CNMD: variants seen among roughly 807,000 people sequenced by gnomAD.
CNMD encodes the protein leukocyte cell-derived chemotaxin 1.
A neutral mutation model predicts 37.5 loss-of-function variants in CNMD; 30 were observed. The observed-to-expected ratio is 0.80, with a 90% CI of 0.60 to 1.09. CNMD has a LOEUF of 1.09. CNMD is among the 50% of genes least tolerant of loss of function. CNMD has a pLI of 0.00. For missense variants in CNMD, 398 were observed against 423.9 expected, an observed-to-expected ratio of 0.94 and a Z score of 0.54; for synonymous variants, 167 against 148.2, an observed-to-expected ratio of 1.13 and a Z score of -0.92.
intron 6 of CNMD, among the ~76,000 whole-genome samples, chr13:52,706,660 A>G (rs1287838272): frequency 3.3e-5 from 5 of 152,194 alleles, no homozygotes; most frequent in Non-Finnish European, 7.3e-5. Context: ...GGTACTATGT[A>G]GGAAAACAAT....
At chr13:52,728,343 A>T (rs1230374112) in intron 3 of CNMD, among the ~76,000 whole-genome samples, 1 of 150,786 alleles carries the variant, frequency 6.6e-6, no homozygotes, top group Non-Finnish European at 1.5e-5. Context: ...GCACCACTGC[A>T]CTGCAGCCTG....
chr13:52,717,355 C>T (rs1290318243), intron 4 of CNMD, among the ~76,000 whole-genome samples: 1 of 152,154 alleles, frequency 6.6e-6, no homozygotes, highest in Non-Finnish European at 1.5e-5. Context: ...GCCTGATTGC[C>T]CTGGCCAGAA....
At chr13:52,718,424 T>C (rs1005506269) in intron 4 of CNMD, among the ~76,000 whole-genome samples, 3 of 152,194 alleles carry the variant, frequency 2.0e-5, no homozygotes, top group Non-Finnish European at 4.4e-5. Context: ...TTGTTTTAAT[T>C]GTGATGTTAG....
intron 3 of CNMD, among the ~76,000 whole-genome samples, chr13:52,727,203 A>G (rs1241012737): frequency 1.3e-5 from 2 of 152,074 alleles, no homozygotes; most frequent in Non-Finnish European, 2.9e-5. Flanking sequence ...CAGGAGGTGG[A>G]TGTTGCAGTG....
intron 5 of CNMD, among the ~76,000 whole-genome samples, chr13:52,709,531 A>G (rs1005027338): frequency 6.6e-6 from 1 of 152,244 alleles, no homozygotes; most frequent in Non-Finnish European, 1.5e-5. Flanking sequence ...ATGCTTTTAT[A>G]TATGAGGGCA....
At chr13:52,724,182 T>C in intron 3 of CNMD, 72 bp from the exon 4 acceptor site, 1 of 1,130,646 alleles carries the variant, frequency 8.8e-7, no homozygotes, top group Non-Finnish European at 1.3e-6. Flanking sequence ...GTCTACTGTG[T>C]TCCAGATGCT....
intron 6 of CNMD, 60 bp from the exon 7 acceptor site, chr13:52,703,870 T>C: frequency 1.1e-5 from 15 of 1,421,986 alleles, no homozygotes; most frequent in Admixed American, 1.8e-5. Context: ...ATAGCATGCA[T>C]GTTATTTTTA....
chr13:52,730,849 A>G (rs190416720), intron 3 of CNMD, among the ~76,000 whole-genome samples: 3 of 152,142 alleles, frequency 2.0e-5, no homozygotes, highest in South Asian at 2.1e-4. Flanking sequence ...TTTCAGTGCT[A>G]TCCTCCGTCG....
At chr13:52,722,264 T>A (rs900727269) in intron 4 of CNMD, among the ~76,000 whole-genome samples, 1 of 152,170 alleles carries the variant, frequency 6.6e-6, no homozygotes, top group Non-Finnish European at 1.5e-5. Flanking sequence ...CTCACGGGTT[T>A]GTTTTTTAGC....
intron 2 of CNMD, 100 bp downstream of exon 2, chr13:52,738,931 C>CCGCCGGCAGCCGCGCGCCCCT: frequency 9.2e-6 from 11 of 1,190,950 alleles, no homozygotes; most frequent in Non-Finnish European, 1.2e-5. Context: ...CCCGAGGGGC[C>CCGCCGGCAGCCGCGCGCCCCT]CGCCGGCAGC....
intron 6 of CNMD, among the ~76,000 whole-genome samples, chr13:52,707,218 C>T (rs1234582074): frequency 1.3e-5 from 2 of 152,136 alleles, no homozygotes; most frequent in Non-Finnish European, 2.9e-5. Context: ...TAAAAGCTAG[C>T]TACAAATAAA....
At chr13:52,710,057 A>G (rs535859038) in intron 5 of CNMD, among the ~76,000 whole-genome samples, 2 of 152,308 alleles carry the variant, frequency 1.3e-5, no homozygotes, top group East Asian at 3.9e-4. Context: ...GATAATAGTA[A>G]TATCTAATTC....
At chr13:52,722,283 T>C (rs1263630719) in intron 4 of CNMD, among the ~76,000 whole-genome samples, 2 of 152,164 alleles carry the variant, frequency 1.3e-5, no homozygotes, top group African/African-American at 4.8e-5. Context: ...GCTTTTGTGT[T>C]GTTCTGTTTT....
At chr13:52,716,745 C>G (rs1429694409) in intron 4 of CNMD, among the ~76,000 whole-genome samples, 1 of 152,166 alleles carries the variant, frequency 6.6e-6, no homozygotes, top group Non-Finnish European at 1.5e-5. Context: ...GTTTTGGTTA[C>G]TATAGCCTTG....
At chr13:52,713,404 C>A (rs1405285619) in intron 4 of CNMD, among the ~76,000 whole-genome samples, 1 of 152,172 alleles carries the variant, frequency 6.6e-6, no homozygotes, top group Non-Finnish European at 1.5e-5. Context: ...AGATGTTCCT[C>A]ACATCAAGCA....
intron 4 of CNMD, among the ~76,000 whole-genome samples, chr13:52,723,033 G>A (rs1041067356): frequency 1.3e-5 from 2 of 152,180 alleles, no homozygotes; most frequent in Admixed American, 6.5e-5. Flanking sequence ...GCTATTGTGG[G>A]TCCCTTTAAT....
At chr13:52,732,863 A>C (rs1160887157) in intron 3 of CNMD, among the ~76,000 whole-genome samples, 1 of 152,180 alleles carries the variant, frequency 6.6e-6, no homozygotes, top group East Asian at 1.9e-4. Context: ...TTTTTCTTCC[A>C]GTTTTAAAAA....
At position 52,713,976 on chromosome 13, in the gene CNMD, A is replaced by G. The variant is rs186791798; in HGVS notation, c.469-1107T>C. 2.0e-3 allele frequency among the ~76,000 whole-genome samples: 306 copies of G among 152,150 alleles called. 2 individuals are homozygous for G. Among genetic ancestry groups the G allele is most frequent in the African/African-American group, 6.8e-3 (282 of 41,520 alleles). On this transcript the variant is annotated intron_variant, in intron 4 of 6. Coordinates refer to ENST00000377962, the MANE Select transcript of CNMD (RefSeq NM_007015.3). ...TAGTCCTTCTTTTATTGGAAGCAGCAATGAGCCCAGCCCCAGGAGAGACAC... is the reference window on the plus strand; with the variant it reads ...TAGTCCTTCTTTTATTGGAAGCAGCGATGAGCCCAGCCCCAGGAGAGACAC...
chr13:52,739,633 G>C lies in CNMD; in HGVS notation c.69C>G (p.Pro23=). Residue 23 remains proline, a synonymous_variant, in exon 1 of 7, where the codon CCC becomes CCG. Coordinates refer to ENST00000377962, the MANE Select transcript of CNMD (RefSeq NM_007015.3). This position sits in a 1 kb window ranked among gnomAD's most constrained non-coding sequence, Gnocchi z 5.4. Reference sequence around the variant, plus strand: ...TGGAATCCCTGGCGGTACTCACCGGGGGGCTGCAGAATTCCACGTCATCAG... The same window carrying C: ...TGGAATCCCTGGCGGTACTCACCGGCGGGCTGCAGAATTCCACGTCATCAG... The part of the protein sequence containing the change: ...VGPDDVEFCS[P]PAYATLTVKP... 1 of 1,613,836 alleles carries C rather than the reference G, an allele frequency of 6.2e-7. No homozygotes were observed. The highest frequency in any genetic ancestry group is 8.5e-7 in the Non-Finnish European group (1 of 1,179,718).
Sources: gnomAD v4.1 joint callset for allele counts (sites outside exome capture counted in the v4.1 genomes callset) on GRCh38, gnomAD v4.1.1 for gene constraint, Gnocchi (gnomAD v3.1) non-coding constraint, MANE v1.5 for transcripts, NCBI Gene and HGNC (gene_info 2026-07-23, HGNC 2026-07-21) for gene names.